The following CNTN1 variants were observed in gnomAD, a reference collection of about 807,000 sequenced individuals.
The protein encoded by CNTN1 is contactin 1, also known as contactin-1.
Under a neutral mutation model 126.4 loss-of-function variants are expected in CNTN1, and 38 were observed. The observed-to-expected ratio is 0.30, with a 90% CI of 0.23 to 0.39. CNTN1 has a LOEUF of 0.39. Among genes scored for constraint, CNTN1 ranks in the 10% least tolerant of loss-of-function variants. CNTN1 has a pLI of 1.00. For synonymous variants in CNTN1, 413 were observed against 422.6 expected (o/e 0.98, Z 0.28); for missense variants, 1,009 against 1,248.4 (o/e 0.81, Z 2.89).
intron 1 of CNTN1, among the ~76,000 whole-genome samples, chr12:40,826,289 A>AT (rs1941612265): frequency 6.6e-6 from 1 of 152,110 alleles, no homozygotes; most frequent in Non-Finnish European, 1.5e-5. Context: ...AACTTCTGTG[A>AT]TTTTTCAAAA....
rs572709432 is a variant in CNTN1 at position 40,778,772 on chromosome 12, A to G, written c.-77+86180A>G. ...TACATAGAAAATATTTCCTATAAGA[A>G]ATTGGCTCTCAACGACTGATTGTTT... On this transcript the variant is annotated intron_variant, in intron 1 of 23. Transcript: ENST00000551295. Among the ~76,000 whole-genome samples, 4 of 151,976 alleles carry G rather than the reference A, an allele frequency of 2.6e-5. No individual in the cohort carries two copies. In the East Asian group the frequency reaches 7.7e-4, roughly 29 times the overall value.
intron 1 of CNTN1, among the ~76,000 whole-genome samples, chr12:40,825,646 C>A (rs1941591120): frequency 1.3e-5 from 2 of 152,194 alleles, no homozygotes; most frequent in Non-Finnish European, 2.9e-5. Flanking sequence ...TTTATTACGA[C>A]CTTGTCTTTG....
At chr12:41,041,320 T>A (rs1949402032) in intron 23 of CNTN1, among the ~76,000 whole-genome samples, 1 of 152,222 alleles carries the variant, frequency 6.6e-6, no homozygotes. Context: ...GACTTGCCAG[T>A]ATTTTATTGA....
chr12:40,741,145 A>G (rs1342911874), intron 1 of CNTN1, among the ~76,000 whole-genome samples: 4 of 152,070 alleles, frequency 2.6e-5, no homozygotes, highest in Admixed American at 6.6e-5. Context: ...TCAATAAACA[A>G]TTGCATACAT....
chr12:41,007,044 G>GTTTTTTT (rs1377932314), intron 17 of CNTN1, among the ~76,000 whole-genome samples: 10 of 123,490 alleles, frequency 8.1e-5, no homozygotes, highest in African/African-American at 2.8e-4. Context: ...AGTTTTGTGT[G>GTTTTTTT]GTTTTTTTTT....
At chr12:41,069,665 C>T (rs535345380) in intron 23 of CNTN1, among the ~76,000 whole-genome samples, 6 of 150,520 alleles carry the variant, frequency 4.0e-5, no homozygotes, top group Non-Finnish European at 8.8e-5. Flanking sequence ...GACATTTTGC[C>T]TTCTGGTAGG....
At chr12:40,923,472 G>T (rs1319667386) in intron 5 of CNTN1, among the ~76,000 whole-genome samples, 3 of 152,038 alleles carry the variant, frequency 2.0e-5, no homozygotes, top group Non-Finnish European at 2.9e-5. Context: ...AAATTAGTGT[G>T]GTGAGAGTGG....
chr12:40,923,189 T>C (rs1241079523), intron 5 of CNTN1, among the ~76,000 whole-genome samples: 5 of 152,066 alleles, frequency 3.3e-5, no homozygotes, highest in African/African-American at 1.2e-4. Flanking sequence ...AATTATATTT[T>C]AGTTAATTTA....
intron 1 of CNTN1, among the ~76,000 whole-genome samples, chr12:40,852,742 G>GA (rs1565833322): frequency 1.3e-5 from 2 of 151,640 alleles, no homozygotes; most frequent in African/African-American, 4.8e-5. Context: ...TCCTACCTCT[G>GA]AAAAAAATGT....
chr12:40,899,811 T>G (rs917591990), intron 1 of CNTN1, among the ~76,000 whole-genome samples: 1 of 152,218 alleles, frequency 6.6e-6, no homozygotes, highest in Admixed American at 6.5e-5. Flanking sequence ...GCTGTTAATG[T>G]AGGTGGCCCT....
chr12:40,845,676 T>C (rs529873889), intron 1 of CNTN1, among the ~76,000 whole-genome samples: 9 of 152,234 alleles, frequency 5.9e-5, no homozygotes, highest in Non-Finnish European at 1.2e-4. Flanking sequence ...AGAGGAGGGC[T>C]GGAGAGTGAG....
chr12:41,038,838 G>A (rs1949329969), intron 23 of CNTN1, among the ~76,000 whole-genome samples: 1 of 151,864 alleles, frequency 6.6e-6, no homozygotes, highest in African/African-American at 2.4e-5. Flanking sequence ...GAGAGAGCAA[G>A]GGCATCTGTT....
chr12:40,910,175 A>T (rs1944976126), intron 3 of CNTN1, 70 bp downstream of exon 3: 1 of 1,207,866 alleles, frequency 8.3e-7, no homozygotes, highest in African/African-American at 1.5e-5. Flanking sequence ...CTCTGCTTTA[A>T]ACTATTAACT....
chr12:40,851,804 C>A (rs1234028338), intron 1 of CNTN1, among the ~76,000 whole-genome samples: 2 of 152,060 alleles, frequency 1.3e-5, no homozygotes, highest in Non-Finnish European at 2.9e-5. Flanking sequence ...TGGTCTAAGG[C>A]ATGGGGAAAG....
chr12:40,697,159 A>G (rs1326774974), intron 1 of CNTN1, among the ~76,000 whole-genome samples: 1 of 152,182 alleles, frequency 6.6e-6, no homozygotes, highest in East Asian at 1.9e-4. Flanking sequence ...AAAAGTGTAA[A>G]TATTTTTAGC....
intron 4 of CNTN1, among the ~76,000 whole-genome samples, chr12:40,920,498 GA>G (rs62731760): frequency 0.5 from 75,574 of 149,918 alleles, 19,155 homozygotes; most frequent in African/African-American, 0.61. Context: ...CATTTGACAG[GA>G]AAAAAAAAAG....
chr12:40,722,960 G>C (rs906836447), intron 1 of CNTN1, among the ~76,000 whole-genome samples: 1 of 151,986 alleles, frequency 6.6e-6, no homozygotes, highest in South Asian at 2.1e-4. Flanking sequence ...TTAGAGCAAA[G>C]AACTAAATAG....
intron 1 of CNTN1, among the ~76,000 whole-genome samples, chr12:40,866,761 T>A (rs193207530): frequency 2.1e-3 from 316 of 152,338 alleles, no homozygotes; most frequent in Middle Eastern, 3.4e-3. Context: ...CTCACCTGTT[T>A]ATTTTTTTAT....
chr12:41,066,393 C>T (rs1950049975), intron 23 of CNTN1, among the ~76,000 whole-genome samples: 1 of 152,056 alleles, frequency 6.6e-6, no homozygotes, highest in Non-Finnish European at 1.5e-5. Flanking sequence ...CCTTAGACCC[C>T]CTGTGCTCTG....
Sources: gnomAD v4.1 joint callset for allele counts (sites outside exome capture counted in the v4.1 genomes callset) on GRCh38, gnomAD v4.1.1 for gene constraint, MANE v1.5 for transcripts, NCBI Gene and HGNC (gene_info 2026-07-23, HGNC 2026-07-21) for gene names.